STX8: variants seen among roughly 807,000 people sequenced by gnomAD.
STX8 encodes the protein syntaxin 8, also known as syntaxin-8.
In STX8, 23 loss-of-function variants were observed where a neutral mutation model predicts 37.5. That is an observed-to-expected ratio of 0.61 (90% CI 0.44 to 0.87). The LOEUF (loss-of-function observed/expected upper bound fraction) is 0.87. Among genes scored for constraint, STX8 ranks in the 40% least tolerant of loss-of-function variants. The pLI is 0.00. For missense variants in STX8, 313 were observed against 284.7 expected (o/e 1.10, Z -0.71); for synonymous variants, 115 against 99.1 (o/e 1.16, Z -0.95).
intron 7 of STX8, among the ~76,000 whole-genome samples, chr17:9,286,353 T>C (rs1908071170): frequency 1.3e-5 from 2 of 152,214 alleles, no homozygotes; most frequent in Admixed American, 1.3e-4. Context: ...CACAATTATT[T>C]TGGCTTTGGG....
At chr17:9,301,786 G>A (rs1908798815) in intron 7 of STX8, among the ~76,000 whole-genome samples, 1 of 152,094 alleles carries the variant, frequency 6.6e-6, no homozygotes, top group African/African-American at 2.4e-5. Flanking sequence ...ACGGCGCCCG[G>A]CCAGTGCTTT....
intron 7 of STX8, among the ~76,000 whole-genome samples, chr17:9,334,044 G>A (rs964205224): frequency 6.6e-6 from 1 of 151,968 alleles, no homozygotes; most frequent in Admixed American, 6.6e-5. Flanking sequence ...TGGTGGGAGG[G>A]GAGGGGCAGT....
chr17:9,259,161 A>G (rs1335526630), intron 7 of STX8, among the ~76,000 whole-genome samples: 1 of 152,208 alleles, frequency 6.6e-6, no homozygotes, highest in African/African-American at 2.4e-5. Context: ...GGGAAAGTTT[A>G]ACTCTGGAGC....
chr17:9,329,709 A>G (rs1462497037), intron 7 of STX8, among the ~76,000 whole-genome samples: 1 of 152,240 alleles, frequency 6.6e-6, no homozygotes, highest in East Asian at 1.9e-4. Context: ...TGCCTGAGGC[A>G]AAGTAATGCC....
At chr17:9,423,836 G>A (rs914124766) in intron 6 of STX8, among the ~76,000 whole-genome samples, 13 of 152,090 alleles carry the variant, frequency 8.5e-5, no homozygotes, top group African/African-American at 2.4e-4. Context: ...TAAAGACGCC[G>A]TCCATATCAG....
chr17:9,429,751 T>TTATATTTTATATATTATATATAACATA (rs1567556499), intron 6 of STX8, among the ~76,000 whole-genome samples: 3 of 30,182 alleles, frequency 9.9e-5, no homozygotes, highest in African/African-American at 2.3e-4. Context: ...ATTATATATA[T>TTATATTTTATATATTATATATAACATA]TATATTTTAT....
intron 6 of STX8, chr17:9,461,211 G>T (rs1009632144): frequency 1.3e-5 from 2 of 151,966 alleles, no homozygotes; most frequent in Admixed American, 6.6e-5. Context: ...TTCCTTGACA[G>T]ATCCAGACAG....
intron 7 of STX8, among the ~76,000 whole-genome samples, chr17:9,376,896 A>C (rs1258067787): frequency 6.6e-6 from 1 of 152,214 alleles, no homozygotes; most frequent in African/African-American, 2.4e-5. Flanking sequence ...TCATCTTTAA[A>C]GTTTCAGGAT....
chr17:9,483,374 G>A (rs779648211), intron 6 of STX8, among the ~76,000 whole-genome samples: 4 of 152,288 alleles, frequency 2.6e-5, no homozygotes, highest in Non-Finnish European at 1.5e-5. Context: ...TTGTAAGGAC[G>A]TTTGGGATCG....
At chr17:9,530,574 G>C (rs1175168067) in intron 4 of STX8, among the ~76,000 whole-genome samples, 3 of 152,170 alleles carry the variant, frequency 2.0e-5, no homozygotes, top group African/African-American at 7.2e-5. Flanking sequence ...GATGACTAGT[G>C]AAGTTGAACA....
intron 7 of STX8, among the ~76,000 whole-genome samples, chr17:9,268,430 G>C (rs1457894890): frequency 6.6e-6 from 1 of 152,188 alleles, no homozygotes; most frequent in Non-Finnish European, 1.5e-5. Context: ...AGGCTGCAGA[G>C]CTCTGACCCC....
chr17:9,402,330 A>G (rs1013989490), intron 6 of STX8, among the ~76,000 whole-genome samples: 1 of 152,144 alleles, frequency 6.6e-6, no homozygotes, highest in African/African-American at 2.4e-5. Context: ...CATGTTGGTC[A>G]GGCTGATCTC....
intron 6 of STX8, among the ~76,000 whole-genome samples, chr17:9,417,864 G>A (rs766925916): frequency 3.9e-5 from 6 of 152,222 alleles, no homozygotes; most frequent in Non-Finnish European, 8.8e-5. Context: ...TGTGCCAGAA[G>A]GGGGTTGCAT....
intron 6 of STX8, among the ~76,000 whole-genome samples, chr17:9,436,445 T>C (rs1246861467): frequency 6.6e-6 from 1 of 151,914 alleles, no homozygotes; most frequent in Non-Finnish European, 1.5e-5. Context: ...AGTGGGCACG[T>C]AGAATGGGGA....
rs192030502 is a variant in STX8 at position 9,536,179 on chromosome 17, T to C, written c.323+8993A>G. ...ATGCTTTGCAGATTTCTTAGCCATATGAATTATATTACTTATGCAAAACAC... is the reference window on the plus strand; with the variant it reads ...ATGCTTTGCAGATTTCTTAGCCATACGAATTATATTACTTATGCAAAACAC... On this transcript the variant is annotated intron_variant, in intron 4 of 7. Transcript: ENST00000306357. Among the ~76,000 whole-genome samples, 79 of 152,356 alleles carry C rather than the reference T, an allele frequency of 5.2e-4. 1 individual carries two copies. The highest frequency in any genetic ancestry group is 1.7e-3 in the African/African-American group (72 of 41,582).
intron 7 of STX8, among the ~76,000 whole-genome samples, chr17:9,278,341 C>T (rs767253234): frequency 6.6e-6 from 1 of 152,076 alleles, no homozygotes; most frequent in Admixed American, 6.5e-5. Flanking sequence ...CCCAGCTACT[C>T]GGGAGGCTGA....
At chr17:9,429,355 T>TATATAATAAATATTTATATATAAC (rs1250712350) in intron 6 of STX8, among the ~76,000 whole-genome samples, 3 of 145,742 alleles carry the variant, frequency 2.1e-5, no homozygotes, top group Non-Finnish European at 4.5e-5. Flanking sequence ...TTATATATAA[T>TATATAATAAATATTTATATATAAC]ATATAATAAA....
intron 6 of STX8, among the ~76,000 whole-genome samples, chr17:9,438,676 C>A (rs999010093): frequency 6.6e-6 from 1 of 152,134 alleles, no homozygotes; most frequent in Non-Finnish European, 1.5e-5. Flanking sequence ...CGTCTGTAAT[C>A]CCAGCACTTT....
At chr17:9,483,950 G>A (rs1906462834) in intron 6 of STX8, among the ~76,000 whole-genome samples, 1 of 152,138 alleles carries the variant, frequency 6.6e-6, no homozygotes, top group South Asian at 2.1e-4. Flanking sequence ...CCGTATGTCT[G>A]CCAGCTCCTA....
Sources: gnomAD v4.1 joint callset for allele counts (sites outside exome capture counted in the v4.1 genomes callset) on GRCh38, gnomAD v4.1.1 for gene constraint, MANE v1.5 for transcripts, NCBI Gene and HGNC (gene_info 2026-07-23, HGNC 2026-07-21) for gene names.